GABRB3: variants seen among roughly 807,000 people sequenced by gnomAD.
The protein encoded by GABRB3 is gamma-aminobutyric acid type A receptor subunit beta3.
GABRB3 carries 14 observed loss-of-function variants against 52.1 expected under a neutral mutation model. That is an observed-to-expected ratio of 0.27 (90% CI 0.18 to 0.42). The LOEUF (loss-of-function observed/expected upper bound fraction) is 0.42. Ranked by LOEUF, GABRB3 falls within the 10% of genes least tolerant of loss-of-function variation. The probability of loss-of-function intolerance (pLI) is 1.00; values close to 1 mark genes in which losing one functional copy is unlikely to be tolerated. For synonymous variants in GABRB3, 260 were observed against 232.3 expected, an observed-to-expected ratio of 1.12 and a Z score of -1.08; for missense variants, 307 against 609.1, an observed-to-expected ratio of 0.50 and a Z score of 5.22.
chr15:26,619,032 G>T (rs1335162002), intron 4 of GABRB3, among the ~76,000 whole-genome samples: 1 of 149,284 alleles, frequency 6.7e-6, no homozygotes, highest in Non-Finnish European at 1.5e-5. Context: ...GTGCTGGAGA[G>T]GATGTGGAGA....
chr15:26,578,674 T>G (rs1260058452), intron 6 of GABRB3, among the ~76,000 whole-genome samples: 1 of 152,194 alleles, frequency 6.6e-6, no homozygotes, highest in African/African-American at 2.4e-5. Flanking sequence ...GAAATCCTCA[T>G]AGCAGCACGC....
chr15:26,685,298 G>C (rs1238316328), intron 3 of GABRB3, among the ~76,000 whole-genome samples: 1 of 152,226 alleles, frequency 6.6e-6, no homozygotes, highest in African/African-American at 2.4e-5. Flanking sequence ...GCAATTCATA[G>C]CAGAGCTGAG....
At chr15:26,574,119 A>G (rs1567119973) in intron 6 of GABRB3, among the ~76,000 whole-genome samples, 1 of 152,332 alleles carries the variant, frequency 6.6e-6, no homozygotes, top group East Asian at 1.9e-4. Flanking sequence ...CTTTGAATAG[A>G]TATTTTTCCA....
intron 3 of GABRB3, among the ~76,000 whole-genome samples, chr15:26,665,776 G>T (rs1397206293): frequency 1.2e-4 from 18 of 152,158 alleles, no homozygotes. Context: ...ATGTGTTGTT[G>T]TTGTTGTTTT....
At chr15:26,773,409 C>G (rs891855332), upstream of GABRB3, among the ~76,000 whole-genome samples, 5 of 151,192 alleles carry the variant, frequency 3.3e-5, no homozygotes, top group African/African-American at 7.3e-5. Context: ...TGAGCCGGCT[C>G]CTCTGGGCTC....
intron 3 of GABRB3, among the ~76,000 whole-genome samples, chr15:26,761,636 A>G (rs975082762): frequency 9.9e-5 from 15 of 152,124 alleles, no homozygotes; most frequent in African/African-American, 3.6e-4. Flanking sequence ...GACTCTCCCT[A>G]GTGGGATGCA....
At chr15:26,566,391 G>C (rs116058325) in intron 7 of GABRB3, among the ~76,000 whole-genome samples, 2,063 of 152,188 alleles carry the variant, frequency 0.014, 37 homozygotes, top group African/African-American at 0.046. Context: ...TATTAGAAAA[G>C]AAAACACGTT....
intron 8 of GABRB3, among the ~76,000 whole-genome samples, chr15:26,557,441 A>G (rs1043213471): frequency 6.6e-6 from 1 of 152,246 alleles, no homozygotes; most frequent in Non-Finnish European, 1.5e-5. Flanking sequence ...AGTTAAAAAA[A>G]GAAACTGTAG....
chr15:26,634,460 C>T (rs1892990324), intron 3 of GABRB3, among the ~76,000 whole-genome samples: 1 of 152,116 alleles, frequency 6.6e-6, no homozygotes, highest in East Asian at 1.9e-4. Flanking sequence ...AATCTTTCAT[C>T]TCTAGAATGG....
rs1889311346 is a variant in GABRB3 at position 26,547,767 on chromosome 15, G to A, written c.*26C>T. ...AATATTTCACTCAGTGTTAAATGAAGTCTTTGAAAAATCAAGTACAGTCAC... is the reference window on the plus strand; with the variant it reads ...AATATTTCACTCAGTGTTAAATGAAATCTTTGAAAAATCAAGTACAGTCAC... On this transcript the variant is annotated 3_prime_UTR_variant, in exon 9 of 9. Transcript: ENST00000311550. The A allele has an allele frequency of 1.3e-6, 2 of 1,582,694 alleles. No individual in the cohort carries two copies. The highest frequency in any genetic ancestry group is 1.1e-5 in the South Asian group (1 of 90,360).
intron 8 of GABRB3, among the ~76,000 whole-genome samples, chr15:26,548,523 T>G (rs1218924719): frequency 6.6e-6 from 1 of 152,188 alleles, no homozygotes; most frequent in Non-Finnish European, 1.5e-5. Context: ...CCCATTTGTC[T>G]TTGGAAGTCA....
chr15:26,750,022 G>C (rs1247218559), intron 3 of GABRB3: 1 of 152,134 alleles, frequency 6.6e-6, no homozygotes, highest in Non-Finnish European at 1.5e-5. Flanking sequence ...TTCCATCTTG[G>C]CCAGAATTGG....
At chr15:26,611,596 C>CT (rs1175716867) in intron 4 of GABRB3, among the ~76,000 whole-genome samples, 1 of 152,062 alleles carries the variant, frequency 6.6e-6, no homozygotes, top group Non-Finnish European at 1.5e-5. Context: ...AGTAAAATGA[C>CT]TGGTTACTTA....
chr15:26,753,767 A>G (rs1713343473), intron 3 of GABRB3, among the ~76,000 whole-genome samples: 1 of 152,218 alleles, frequency 6.6e-6, no homozygotes, highest in African/African-American at 2.4e-5. Flanking sequence ...GAAAAGCCGA[A>G]TATACAGGGT....
In GABRB3 at chr15:26,695,263, A is replaced by G. The variant is rs1289614984; in HGVS notation, c.241-73729T>C. Among the ~76,000 whole-genome samples the G allele has an allele frequency of 3.3e-5, 5 of 152,184 alleles. No individual in the cohort carries two copies. In the South Asian group the frequency reaches 8.3e-4, roughly 25 times the overall value. ...CAAGGACCGAGAGAAGATCTTCAAG[A>G]AAGTCAGAAGGAAAAAACACGTTGT... On this transcript the variant is annotated intron_variant, in intron 3 of 8. Transcript: ENST00000311550.
chr15:26,688,910 T>A (rs181140884), intron 3 of GABRB3, among the ~76,000 whole-genome samples: 16 of 152,334 alleles, frequency 1.1e-4, no homozygotes, highest in Admixed American at 1.0e-3. Flanking sequence ...CTTCAGCTCC[T>A]CTTTATTCTG....
At chr15:26,677,170 G>A (rs1250333762) in intron 3 of GABRB3, among the ~76,000 whole-genome samples, 1 of 152,120 alleles carries the variant, frequency 6.6e-6, no homozygotes. Context: ...AGATCAAAAG[G>A]GCAGGACTGA....
intron 4 of GABRB3, among the ~76,000 whole-genome samples, chr15:26,602,476 C>G (rs1891624586): frequency 6.6e-6 from 1 of 152,056 alleles, no homozygotes; most frequent in Non-Finnish European, 1.5e-5. Flanking sequence ...CTTCTCAGCA[C>G]TTGGATCATT....
At chr15:26,577,117 A>C (rs1750408291) in intron 6 of GABRB3, among the ~76,000 whole-genome samples, 1 of 152,272 alleles carries the variant, frequency 6.6e-6, no homozygotes, top group Non-Finnish European at 1.5e-5. Flanking sequence ...GGGGTTCTAG[A>C]AGAAGAGAGA....
Sources: allele counts gnomAD v4.1 joint callset (sites outside exome capture counted in the v4.1 genomes callset), GRCh38; gene constraint gnomAD v4.1.1; transcripts MANE v1.5; gene names NCBI Gene and HGNC (gene_info 2026-07-23, HGNC 2026-07-21).